Variants in BEND3 observed in about 807,000 individuals in gnomAD.
The protein encoded by BEND3 is BEN domain-containing protein 3.
BEND3 carries 13 observed loss-of-function variants against 60.1 expected under a neutral mutation model. That is an observed-to-expected ratio of 0.22 (90% CI 0.14 to 0.34). BEND3 has a LOEUF of 0.34. Among genes scored for constraint, BEND3 ranks in the 10% least tolerant of loss-of-function variants. The probability of loss-of-function intolerance (pLI) is 1.00; values close to 1 mark genes in which losing one functional copy is unlikely to be tolerated. For synonymous variants in BEND3, 497 were observed against 491.5 expected (o/e 1.01, Z -0.15); for missense variants, 896 against 1,138.1 (o/e 0.79, Z 3.06).
chr6:107,111,521 AAAG>A lies in BEND3; in HGVS notation c.-12+3566_-12+3568del, dbSNP rs1770088239. ...GTGAGACTGCATCTCAGAAAAAAAA[AAAG>A]AGAGAGATAACACATACACATCCCT... On this transcript the variant is annotated intron_variant, in intron 1 of 3. Transcript: ENST00000369042. Among the ~76,000 whole-genome samples, 9 of 152,052 alleles carry A rather than the reference AAAG, an allele frequency of 5.9e-5. No homozygotes were observed. In the South Asian group the frequency reaches 1.7e-3, roughly 28 times the overall value.
At chr6:107,094,377 C>A (rs1554235659) in intron 3 of BEND3, among the ~76,000 whole-genome samples, 1 of 151,958 alleles carries the variant, frequency 6.6e-6, no homozygotes, top group East Asian at 1.9e-4. Context: ...AATCCCAGCA[C>A]TTTGGAGGCT....
In BEND3 at chr6:107,065,752, C is replaced by A. The variant is rs1554230691; in HGVS notation, c.*2952G>T. Reference sequence around the variant, plus strand: ...CCAATCTATTCACCACTAAGTAGATCCCATTGGTTGGTTGGTTGATGATTG... The same window carrying A: ...CCAATCTATTCACCACTAAGTAGATACCATTGGTTGGTTGGTTGATGATTG... On this transcript the variant is annotated 3_prime_UTR_variant, in exon 4 of 4. Coordinates refer to ENST00000369042, the MANE Select transcript of BEND3 (RefSeq NM_001367314.1). 1 of 152,158 alleles carries A rather than the reference C, an allele frequency of 6.6e-6. No individual in the cohort carries two copies. Among genetic ancestry groups the A allele is most frequent in the African/African-American group, 2.4e-5 (1 of 41,426 alleles). The allele number at this position is 152,158 out of a possible 1,614,324, so 9.4% of individuals were successfully genotyped here. A position where few individuals can be genotyped will look rare whatever the true frequency, so the allele number is the denominator to read the frequency against.
At chr6:107,103,895 C>A (rs1390084549) in intron 1 of BEND3, among the ~76,000 whole-genome samples, 2 of 149,472 alleles carry the variant, frequency 1.3e-5, no homozygotes, top group African/African-American at 4.9e-5. Flanking sequence ...TTGTGAGGAG[C>A]CGAGATCGCG....
At chr6:107,073,098 T>C (rs1205340564) in intron 3 of BEND3, among the ~76,000 whole-genome samples, 8 of 150,568 alleles carry the variant, frequency 5.3e-5, no homozygotes, top group African/African-American at 1.7e-4. Context: ...AGGACAACCA[T>C]GCAAAAGAAA....
At chr6:107,085,118 C>G (rs1775315222) in intron 3 of BEND3, among the ~76,000 whole-genome samples, 2 of 152,148 alleles carry the variant, frequency 1.3e-5, no homozygotes, top group Admixed American at 6.5e-5. Flanking sequence ...GGATGCGCCA[C>G]CTTTAAGAGC....
intron 1 of BEND3, among the ~76,000 whole-genome samples, chr6:107,101,368 G>A (rs1775698878): frequency 6.6e-6 from 1 of 152,166 alleles, no homozygotes; most frequent in Non-Finnish European, 1.5e-5. Context: ...GGTGATCCAT[G>A]AGCACAATCA....
chr6:107,114,450 C>G (rs1770213802), intron 1 of BEND3: 1 of 151,578 alleles, frequency 6.6e-6, no homozygotes, highest in African/African-American at 2.4e-5. Flanking sequence ...CGCTCCCGGC[C>G]GCCGCCGCCG....
rs1554231326 is a variant in BEND3, at chr6:107,069,074, A to G, written c.2117T>C (p.Leu706Pro). The G allele has an allele frequency of 1.9e-6, 3 of 1,613,170 alleles. No individual in the cohort carries two copies. The highest frequency in any genetic ancestry group is 2.5e-6 in the Non-Finnish European group (3 of 1,179,956). ...CGGGAAGTCAGGCGAGGGGACCACC[A>G]GCTCGTCCAAGGGGATCTTGCAAAA... ...KDFCKIPLDELVVPSPDFPVP... is the reference protein window; with the variant it reads ...KDFCKIPLDEPVVPSPDFPVP... The change falls in exon 4 of 4, where the codon CTG (leucine) becomes CCG (proline). Residue 706 changes from leucine (L) to proline (P), a missense_variant. Around this residue, in one of 4 missense-constraint regions of BEND3, gnomAD observed 846 missense variants for 1,036.7 expected, o/e 0.82. Transcript: ENST00000369042.
At chr6:107,102,980 AAAT>A (rs1158269481) in intron 1 of BEND3, among the ~76,000 whole-genome samples, 2 of 152,284 alleles carry the variant, frequency 1.3e-5, no homozygotes, top group Admixed American at 6.5e-5. Flanking sequence ...GCCAGGGAGG[AAAT>A]AATAGAGTCT....
intron 3 of BEND3, among the ~76,000 whole-genome samples, chr6:107,090,400 A>C (rs1163737297): frequency 6.6e-6 from 1 of 152,208 alleles, no homozygotes; most frequent in Non-Finnish European, 1.5e-5. Context: ...AGAAATGTTC[A>C]AAGGATTTCT....
At chr6:107,112,642 T>A (rs1318859371) in intron 1 of BEND3, among the ~76,000 whole-genome samples, 3 of 150,684 alleles carry the variant, frequency 2.0e-5, no homozygotes, top group African/African-American at 7.3e-5. Flanking sequence ...TGACCTGAGG[T>A]CGGGAGTTCG....
chr6:107,105,963 A>G (rs1033918165), intron 1 of BEND3: 3 of 152,240 alleles, frequency 2.0e-5, no homozygotes, highest in Non-Finnish European at 2.9e-5. Context: ...AACAATAGGG[A>G]TGGTGGCTGT....
intron 3 of BEND3, among the ~76,000 whole-genome samples, chr6:107,098,201 G>A (rs1025918484): frequency 6.6e-6 from 1 of 152,178 alleles, no homozygotes; most frequent in Non-Finnish European, 1.5e-5. Flanking sequence ...TCCAGCTAAT[G>A]CCCCACTTTT....
Position 107,090,579 on chromosome 6 carries a change from TGTGTGCACGCGC to T in BEND3, c.240+7960_240+7971del, listed in dbSNP as rs1408557710. ...ATGTAGTCAACTATATATGCTTGTGTGTGTGCACGCGCGTGTGCACGCACTTATATATAAATG... is the reference window on the plus strand; with the variant it reads ...ATGTAGTCAACTATATATGCTTGTGTGTGTGCACGCACTTATATATAAATG... On this transcript the variant is annotated intron_variant, in intron 3 of 3. Coordinates refer to ENST00000369042, the MANE Select transcript of BEND3 (RefSeq NM_001367314.1). Among the ~76,000 whole-genome samples, 37 of 152,306 alleles carry T rather than the reference TGTGTGCACGCGC, an allele frequency of 2.4e-4. No individual in the cohort carries two copies. In the East Asian group the frequency reaches 3.3e-3, roughly 13 times the overall value.
At chr6:107,085,929 G>A (rs1273543231) in intron 3 of BEND3, among the ~76,000 whole-genome samples, 1 of 151,572 alleles carries the variant, frequency 6.6e-6, no homozygotes, top group Admixed American at 6.6e-5. Context: ...TGGGACTACA[G>A]GTGTCCACCA....
chr6:107,110,030 C>CA (rs10708512), intron 1 of BEND3, among the ~76,000 whole-genome samples: 135 of 125,532 alleles, frequency 1.1e-3, no homozygotes, highest in African/African-American at 2.4e-3. Flanking sequence ...GACCCTGACT[C>CA]AAAAAAAAAA....
At position 107,069,254 on chromosome 6, in the gene BEND3, C is replaced by G; in HGVS notation, c.1937G>C (p.Arg646Pro). The G allele has an allele frequency of 6.2e-7, 1 of 1,611,282 alleles. No individual in the cohort carries two copies. The highest frequency in any genetic ancestry group is 8.5e-7 in the Non-Finnish European group (1 of 1,179,102). Residue 646 changes from arginine (R) to proline (P), a missense_variant, in exon 4 of 4, where the codon CGG becomes CCG. Physicochemically the swap from Arg to Pro is moderately radical, Grantham distance 103 (BLOSUM62 -2). Transcript: ENST00000369042. The part of the protein sequence containing the change: ...VGKLDERCRR[R>P]DTEQRRSYQQ... ...GTAGGAGCGCCTTTGCTCCGTGTCC[C>G]GGCGCCGGCAGCGCTCATCCAGTTT...
intron 3 of BEND3, among the ~76,000 whole-genome samples, chr6:107,080,368 A>AC (rs1562303855): frequency 2.0e-5 from 3 of 148,974 alleles, no homozygotes; most frequent in East Asian, 1.9e-4. Context: ...AAAAAAAAAA[A>AC]AAAAAAAAAC....
intron 3 of BEND3, among the ~76,000 whole-genome samples, chr6:107,088,967 G>A (rs1186782304): frequency 6.6e-6 from 1 of 152,016 alleles, no homozygotes; most frequent in African/African-American, 2.4e-5. Context: ...TCAACATGGC[G>A]AAACCCAGTC....
Sources: allele counts gnomAD v4.1 joint callset (sites outside exome capture counted in the v4.1 genomes callset), GRCh38; gene constraint gnomAD v4.1.1; regional missense constraint gnomAD v4.1.1; transcripts MANE v1.5; gene names NCBI Gene and HGNC (gene_info 2026-07-23, HGNC 2026-07-21).